DRC8: variants seen among roughly 807,000 people sequenced by gnomAD.
DRC8 encodes the protein dynein regulatory complex protein 8.
the DRC8 span, among the ~76,000 whole-genome samples, chr1:245,010,902 C>T: frequency 6.6e-5 from 10 of 151,956 alleles, no homozygotes; most frequent in Admixed American, 4.6e-4. Context: ...AGGATGGTCT[C>T]GATCTTCTAA....
the DRC8 span, among the ~76,000 whole-genome samples, chr1:245,016,732 C>G: frequency 6.6e-6 from 1 of 152,042 alleles, no homozygotes; most frequent in Non-Finnish European, 1.5e-5. Context: ...TAGTCCAAAA[C>G]TAGTTTGAAA....
At chr1:244,999,166 A>G in the DRC8 span, among the ~76,000 whole-genome samples, 5 of 151,482 alleles carry the variant, frequency 3.3e-5, no homozygotes, top group African/African-American at 7.3e-5. Flanking sequence ...AATATTGACA[A>G]ATGTCTACTT....
At chr1:244,998,209 A>C in the DRC8 span, among the ~76,000 whole-genome samples, 29 of 151,464 alleles carry the variant, frequency 1.9e-4, no homozygotes, top group South Asian at 1.0e-3. Flanking sequence ...TATTTATTTT[A>C]TTTTTCTTTT....
At chr1:245,081,413 G>A in the DRC8 span, among the ~76,000 whole-genome samples, 263 of 151,990 alleles carry the variant, frequency 1.7e-3, no homozygotes, top group African/African-American at 5.7e-3. Flanking sequence ...CACCCACCTC[G>A]GCCTCCCAAA....
the DRC8 span, among the ~76,000 whole-genome samples, chr1:245,055,138 T>G: frequency 6.6e-6 from 1 of 152,178 alleles, no homozygotes; most frequent in Non-Finnish European, 1.5e-5. Context: ...GGAGACATTA[T>G]GTCATCTCTC....
chr1:244,970,237 A>G, the DRC8 span: 744,151 of 744,166 alleles, frequency 1, 372,068 homozygotes, highest in Middle Eastern at 1. Flanking sequence ...GTGGCGCGAA[A>G]CGGGGACAGG....
chr1:244,993,690 T>C, the DRC8 span, among the ~76,000 whole-genome samples: 2 of 152,182 alleles, frequency 1.3e-5, no homozygotes, highest in African/African-American at 4.8e-5. Context: ...AAGTCCGAGA[T>C]TGAGGGTCTG....
At chr1:245,063,704 C>T in the DRC8 span, among the ~76,000 whole-genome samples, 1 of 152,220 alleles carries the variant, frequency 6.6e-6, no homozygotes, top group Admixed American at 6.5e-5. Context: ...TGCTCTGCAG[C>T]CTGGGTAACA....
At chr1:245,044,967 T>A in the DRC8 span, among the ~76,000 whole-genome samples, 3 of 152,092 alleles carry the variant, frequency 2.0e-5, no homozygotes, top group Non-Finnish European at 4.4e-5. Context: ...TTAATAATTT[T>A]AATAATGTTA....
the DRC8 span, chr1:245,059,276 C>T: frequency 9.4e-5 from 66 of 702,910 alleles, no homozygotes; most frequent in Non-Finnish European, 1.4e-4. Context: ...GAGGCAATAT[C>T]GGAGTGATTT....
At chr1:245,103,002 C>T in the DRC8 span, among the ~76,000 whole-genome samples, 1 of 148,484 alleles carries the variant, frequency 6.7e-6, no homozygotes, top group East Asian at 2.0e-4. Context: ...AGAGGTGGTC[C>T]TCTATGGTCA....
At chr1:245,029,332 C>CT in the DRC8 span, among the ~76,000 whole-genome samples, 1 of 152,352 alleles carries the variant, frequency 6.6e-6, no homozygotes, top group South Asian at 2.1e-4. Context: ...GAGCCTCACT[C>CT]TGTCACCCAG....
chr1:244,986,224 G>T, the DRC8 span, among the ~76,000 whole-genome samples: 288 of 152,114 alleles, frequency 1.9e-3, no homozygotes, highest in Admixed American at 3.0e-3. Flanking sequence ...CAAAGTGCTG[G>T]GATTACAGGC....
the DRC8 span, among the ~76,000 whole-genome samples, chr1:245,099,405 G>A: frequency 6.6e-6 from 1 of 152,310 alleles, no homozygotes; most frequent in African/African-American, 2.4e-5. Context: ...GACAAGGGAA[G>A]TTCTTCCCTC....
chr1:245,054,386 C>G, the DRC8 span, among the ~76,000 whole-genome samples: 1 of 152,154 alleles, frequency 6.6e-6, no homozygotes, highest in Non-Finnish European at 1.5e-5. Context: ...CCTTGACCCA[C>G]TGCAATCTAA....
the DRC8 span, among the ~76,000 whole-genome samples, chr1:244,984,271 A>G: frequency 6.6e-6 from 1 of 152,176 alleles, no homozygotes; most frequent in African/African-American, 2.4e-5. Flanking sequence ...AAAGAAATCA[A>G]TCATAGACCC....
the DRC8 span, among the ~76,000 whole-genome samples, chr1:245,049,638 C>T: frequency 1.3e-5 from 2 of 152,112 alleles, no homozygotes; most frequent in Admixed American, 6.5e-5. This position sits in a 1 kb window ranked among gnomAD's most constrained non-coding sequence, Gnocchi z 4.5. Flanking sequence ...CAAAAATACC[C>T]GATGGCCAAA....
At chr1:245,116,565 G>A in the DRC8 span, among the ~76,000 whole-genome samples, 77 of 152,280 alleles carry the variant, frequency 5.1e-4, no homozygotes, top group Admixed American at 2.6e-3. Flanking sequence ...CAGAGGTGGC[G>A]TCAGAACAAG....
At chr1:245,119,952 G>GTAAA in the DRC8 span, among the ~76,000 whole-genome samples, 1 of 774 alleles carries the variant, frequency 1.3e-3, no homozygotes, top group East Asian at 0.029. Context: ...TAAAAAATAA[G>GTAAA]TAAATAAGTA....
Sources: gnomAD v4.1 joint callset for allele counts (sites outside exome capture counted in the v4.1 genomes callset) on GRCh38, gnomAD v4.1.1 for gene constraint, Gnocchi (gnomAD v3.1) non-coding constraint, MANE v1.5 for transcripts, NCBI Gene and HGNC (gene_info 2026-07-23, HGNC 2026-07-21) for gene names.